Variants in CACNA2D1 observed in about 807,000 individuals in gnomAD.
The protein encoded by CACNA2D1 is voltage-dependent calcium channel subunit alpha-2/delta-1.
Under a neutral mutation model 171.5 loss-of-function variants are expected in CACNA2D1, and 53 were observed. The observed-to-expected ratio is 0.31, with a 90% confidence interval of 0.25 to 0.39. CACNA2D1 has a LOEUF of 0.39. Among genes scored for constraint, CACNA2D1 ranks in the 10% least tolerant of loss-of-function variants. The pLI, the probability that CACNA2D1 is intolerant of heterozygous loss-of-function variation, is 1.00. For missense variants in CACNA2D1, 903 were observed against 1,299.8 expected (o/e 0.69, Z 4.69); for synonymous variants, 442 against 443.1 (o/e 1.00, Z 0.03).
chr7:82,427,622 G>C (rs567792564), intron 1 of CACNA2D1, among the ~76,000 whole-genome samples: 1 of 152,192 alleles, frequency 6.6e-6, no homozygotes, highest in Admixed American at 6.5e-5. Flanking sequence ...ATCCTTACAA[G>C]AACCCTATGA....
At chr7:82,230,096 C>A (rs1014104198) in intron 3 of CACNA2D1, among the ~76,000 whole-genome samples, 3 of 152,132 alleles carry the variant, frequency 2.0e-5, no homozygotes, top group Admixed American at 2.0e-4. Flanking sequence ...TGAATTTTCA[C>A]GAACTGAAAC....
At chr7:82,253,691 T>A (rs550562400) in intron 3 of CACNA2D1, among the ~76,000 whole-genome samples, 2 of 152,328 alleles carry the variant, frequency 1.3e-5, no homozygotes, top group South Asian at 4.1e-4. Flanking sequence ...TGGTCCTATA[T>A]AATGTGTTTT....
At chr7:82,335,876 A>C (rs1046906301) in intron 2 of CACNA2D1, among the ~76,000 whole-genome samples, 4 of 152,190 alleles carry the variant, frequency 2.6e-5, no homozygotes, top group Non-Finnish European at 5.9e-5. Flanking sequence ...TACTGAATTT[A>C]AGCTAGGTGC....
At chr7:82,441,715 T>C (rs1406789370) in intron 1 of CACNA2D1, among the ~76,000 whole-genome samples, 2 of 152,194 alleles carry the variant, frequency 1.3e-5, no homozygotes, top group African/African-American at 4.8e-5. Context: ...AAAATATTGA[T>C]AAATTGTCAG....
At chr7:82,421,109 G>A (rs1033718358) in intron 1 of CACNA2D1, among the ~76,000 whole-genome samples, 1 of 152,030 alleles carries the variant, frequency 6.6e-6, no homozygotes, top group African/African-American at 2.4e-5. Context: ...ACTTTATTAT[G>A]CACCACTGAT....
chr7:82,022,400 T>C (rs577539178), intron 12 of CACNA2D1, among the ~76,000 whole-genome samples: 1 of 152,022 alleles, frequency 6.6e-6, no homozygotes, highest in Admixed American at 6.6e-5. Context: ...AGCTAAAAAT[T>C]TAAGAAGCTG....
rs531205673 is a variant in CACNA2D1 at position 82,393,805 on chromosome 7, A to G, written c.96-44156T>C. Reference sequence around the variant, plus strand: ...TCGAAAATTTAAAATCATCAAACAAATGTGTAAAATAATAACATTTGAGTT... The same window carrying G: ...TCGAAAATTTAAAATCATCAAACAAGTGTGTAAAATAATAACATTTGAGTT... On this transcript the variant is annotated intron_variant, in intron 1 of 38. Transcript: ENST00000356860. 1.7e-3 allele frequency among the ~76,000 whole-genome samples: 262 copies of G among 152,332 alleles called. 1 individual carries two copies. Among genetic ancestry groups the G allele is most frequent in the Non-Finnish European group, 2.9e-3 (194 of 68,028 alleles).
intron 16 of CACNA2D1, among the ~76,000 whole-genome samples, chr7:82,006,081 G>A (rs976918790): frequency 4.0e-5 from 6 of 151,752 alleles, no homozygotes; most frequent in Admixed American, 6.6e-5. Context: ...AATATATAAA[G>A]GATAAATAAA....
At chr7:82,012,059 TGAAAAG>T (rs1026508121) in intron 15 of CACNA2D1, 89 bp downstream of exon 15, 2 of 833,804 alleles carry the variant, frequency 2.4e-6, no homozygotes, top group African/African-American at 3.3e-5. Flanking sequence ...GAGGGTTTAA[TGAAAAG>T]GAAAACAGAG....
chr7:82,304,508 A>G (rs1813462472), intron 3 of CACNA2D1, among the ~76,000 whole-genome samples: 1 of 152,182 alleles, frequency 6.6e-6, no homozygotes, highest in Non-Finnish European at 1.5e-5. Flanking sequence ...ACTTAATGGA[A>G]TACTATTGGG....
chr7:82,338,702 G>C (rs1408884081), intron 2 of CACNA2D1, among the ~76,000 whole-genome samples: 1 of 152,176 alleles, frequency 6.6e-6, no homozygotes, highest in African/African-American at 2.4e-5. Context: ...AATGTCTAGA[G>C]CAGCCGAAGG....
chr7:82,433,559 G>C (rs1829887837), intron 1 of CACNA2D1, among the ~76,000 whole-genome samples: 1 of 152,242 alleles, frequency 6.6e-6, no homozygotes, highest in African/African-American at 2.4e-5. Flanking sequence ...TATTTCAAAA[G>C]TTACTTTGTA....
chr7:82,293,036 C>G (rs1811846550), intron 3 of CACNA2D1, among the ~76,000 whole-genome samples: 1 of 151,736 alleles, frequency 6.6e-6, no homozygotes, highest in Non-Finnish European at 1.5e-5. Context: ...GATCTAATTT[C>G]CTATGACTTT....
intron 1 of CACNA2D1, among the ~76,000 whole-genome samples, chr7:82,416,846 T>C (rs1016658789): frequency 2.0e-5 from 3 of 152,182 alleles, no homozygotes; most frequent in African/African-American, 7.2e-5. Context: ...TCGACAGCAG[T>C]CTCATATGTA....
intron 3 of CACNA2D1, among the ~76,000 whole-genome samples, chr7:82,179,785 G>T (rs946366114): frequency 1.3e-4 from 19 of 151,914 alleles, no homozygotes; most frequent in African/African-American, 4.6e-4. Flanking sequence ...ATTATAAGGG[G>T]TAAGTATGAT....
At chr7:81,989,540 G>T (rs1387268527) in intron 21 of CACNA2D1, among the ~76,000 whole-genome samples, 1 of 152,128 alleles carries the variant, frequency 6.6e-6, no homozygotes, top group African/African-American at 2.4e-5. Flanking sequence ...TACAGGTTTG[G>T]AGAGTGAAGT....
At chr7:82,415,897 T>C (rs1293618299) in intron 1 of CACNA2D1, among the ~76,000 whole-genome samples, 4 of 151,974 alleles carry the variant, frequency 2.6e-5, no homozygotes, top group African/African-American at 9.7e-5. Flanking sequence ...GATTGAATAC[T>C]AAATAAAGGA....
intron 5 of CACNA2D1, among the ~76,000 whole-genome samples, chr7:82,121,296 A>AT (rs1255204986): frequency 6.6e-6 from 1 of 152,112 alleles, no homozygotes; most frequent in Non-Finnish European, 1.5e-5. Flanking sequence ...GCCTCAAATA[A>AT]TCCTCCTGCC....
chr7:82,164,377 TA>T (rs1795235851), intron 4 of CACNA2D1, among the ~76,000 whole-genome samples: 1 of 151,944 alleles, frequency 6.6e-6, no homozygotes, highest in South Asian at 2.1e-4. Context: ...ATACTTGAAT[TA>T]AACATATATT....
Sources: gnomAD v4.1 joint callset for allele counts (sites outside exome capture counted in the v4.1 genomes callset) on GRCh38, gnomAD v4.1.1 for gene constraint, MANE v1.5 for transcripts, NCBI Gene and HGNC (gene_info 2026-07-23, HGNC 2026-07-21) for gene names.